Variants in YPEL2 observed in about 807,000 individuals in gnomAD.
YPEL2 encodes the protein yippee like 2.
A neutral mutation model predicts 19.1 loss-of-function variants in YPEL2; 2 were observed. That is an observed-to-expected ratio of 0.10 (90% CI 0.04 to 0.33). YPEL2 has a LOEUF of 0.33. Among genes scored for constraint, YPEL2 ranks in the 10% least tolerant of loss-of-function variants. The pLI is 1.00. For synonymous variants in YPEL2, 52 were observed against 50.0 expected (o/e 1.04, Z -0.17); for missense variants, 66 against 140.7 (o/e 0.47, Z 2.68).
intron 4 of YPEL2, among the ~76,000 whole-genome samples, chr17:59,396,611 G>C (rs2048040566): frequency 6.6e-6 from 1 of 152,196 alleles, no homozygotes; most frequent in African/African-American, 2.4e-5. Context: ...CAGTTCTGCA[G>C]CTAAGCGAGG....
intron 2 of YPEL2, among the ~76,000 whole-genome samples, chr17:59,384,675 T>C (rs2047971582): frequency 6.6e-6 from 1 of 152,158 alleles, no homozygotes; most frequent in Non-Finnish European, 1.5e-5. Flanking sequence ...ATGTATAAAA[T>C]GAGCTAGTAT....
intron 1 of YPEL2, among the ~76,000 whole-genome samples, chr17:59,346,472 G>A (rs776228088): frequency 6.6e-6 from 1 of 152,118 alleles, no homozygotes; most frequent in Non-Finnish European, 1.5e-5. Context: ...GAGAGAATTG[G>A]GTTAGATGGA....
intron 1 of YPEL2, among the ~76,000 whole-genome samples, chr17:59,343,492 G>A (rs576103047): frequency 2.1e-4 from 32 of 152,260 alleles, no homozygotes; most frequent in Non-Finnish European, 4.4e-4. Flanking sequence ...TGTGTGCTGG[G>A]AGAAGGGACC....
At chr17:59,339,932 C>T (rs765824043) in intron 1 of YPEL2, among the ~76,000 whole-genome samples, 3 of 152,048 alleles carry the variant, frequency 2.0e-5, no homozygotes, top group Non-Finnish European at 4.4e-5. Flanking sequence ...AAACTGCCCC[C>T]ACTTCCTACC....
chr17:59,371,772 A>T (rs2047898655), intron 2 of YPEL2, among the ~76,000 whole-genome samples: 1 of 152,244 alleles, frequency 6.6e-6, no homozygotes, highest in African/African-American at 2.4e-5. Context: ...TTCTTTAGCC[A>T]GTCAATATCT....
chr17:59,392,291 G>A (rs1184676436), intron 4 of YPEL2, among the ~76,000 whole-genome samples: 1 of 152,046 alleles, frequency 6.6e-6, no homozygotes, highest in Non-Finnish European at 1.5e-5. Context: ...TTTTGACAAA[G>A]GTTTATCAAA....
chr17:59,344,453 C>T (rs1489032553), intron 1 of YPEL2, among the ~76,000 whole-genome samples: 3 of 152,098 alleles, frequency 2.0e-5, no homozygotes, highest in Non-Finnish European at 1.5e-5. Context: ...GCACCAAGTC[C>T]AAATAGTGTT....
chr17:59,333,042 C>CAGTAA (rs1195153484), intron 1 of YPEL2, among the ~76,000 whole-genome samples: 2 of 152,238 alleles, frequency 1.3e-5, no homozygotes, highest in Non-Finnish European at 2.9e-5. Flanking sequence ...GCAAGAAGTT[C>CAGTAA]AGTAAACCGC....
intron 1 of YPEL2, among the ~76,000 whole-genome samples, chr17:59,334,390 T>G (rs1337145886): frequency 3.7e-5 from 5 of 135,858 alleles, no homozygotes; most frequent in East Asian, 2.3e-4. Context: ...TCTTTTTATT[T>G]GGGGGGGGGT....
Position 59,353,691 on chromosome 17 carries a change from G to C in YPEL2, c.117+165G>C. On this transcript the variant is annotated intron_variant, in intron 2 of 4. Transcript: ENST00000312655. This position sits in a 1 kb window ranked among gnomAD's most constrained non-coding sequence, Gnocchi z 4.8. ...CTCAACTGAGAAAAACTCTGAGTTG[G>C]AGGGACAGAGTAGTCATTTAATTTG... 4.4e-6 allele frequency: 3 copies of C among 685,778 alleles called. No homozygotes were observed. Among genetic ancestry groups the C allele is most frequent in the Non-Finnish European group, 2.7e-6 (1 of 373,716 alleles). 42.5% of individuals were successfully genotyped at this position (685,778 alleles called of 1,614,324 possible). A position where few individuals can be genotyped will look rare whatever the true frequency, so the allele number is the denominator to read the frequency against.
Position 59,394,642 on chromosome 17 carries a change from C to T in YPEL2, c.271-2459C>T, listed in dbSNP as rs528792482. The stretch of plus-strand genomic sequence containing the variant: ...GCAGAGGGGCTCCTCACATCCCAGA[C>T]GATGGGCGGCCAGGCAGAGAGGCTC... On this transcript the variant is annotated intron_variant, in intron 4 of 4. Transcript: ENST00000312655. Among the ~76,000 whole-genome samples the T allele has an allele frequency of 8.0e-5, 12 of 150,042 alleles. No individual in the cohort carries two copies. In the East Asian group the frequency reaches 1.2e-3, roughly 15 times the overall value.
intron 1 of YPEL2, among the ~76,000 whole-genome samples, chr17:59,342,728 CTCG>C (rs1301380332): frequency 6.6e-6 from 1 of 152,222 alleles, no homozygotes; most frequent in African/African-American, 2.4e-5. Flanking sequence ...ATTTGGCTCT[CTCG>C]TCTGCATAGT....
intron 2 of YPEL2, among the ~76,000 whole-genome samples, chr17:59,359,564 T>A (rs2047829904): frequency 6.6e-6 from 1 of 152,216 alleles, no homozygotes. Flanking sequence ...TGAAGATAAT[T>A]ATTCTATGAA....
chr17:59,388,133 G>C (rs938729853), intron 2 of YPEL2, among the ~76,000 whole-genome samples, 194 bp from the exon 3 acceptor site: 2 of 152,116 alleles, frequency 1.3e-5, no homozygotes, highest in African/African-American at 4.8e-5. Context: ...GGGCCAGATC[G>C]AGCTTTGTGG....
chr17:59,343,308 T>C (rs1255683445), intron 1 of YPEL2, among the ~76,000 whole-genome samples: 1 of 152,130 alleles, frequency 6.6e-6, no homozygotes, highest in East Asian at 1.9e-4. Flanking sequence ...TCAGTTAACA[T>C]TTATCAAGGA....
chr17:59,380,336 G>T (rs1018967843), intron 2 of YPEL2, among the ~76,000 whole-genome samples: 6 of 143,206 alleles, frequency 4.2e-5, no homozygotes, highest in African/African-American at 1.3e-4. Context: ...GAGTGCAGTG[G>T]TGCTGTCTCG....
intron 2 of YPEL2, among the ~76,000 whole-genome samples, chr17:59,370,088 G>C (rs147079130): frequency 0.02 from 3,002 of 152,184 alleles, 104 homozygotes; most frequent in African/African-American, 0.068. Context: ...ACGGAGTCTC[G>C]CTCTGTCGCC....
intron 2 of YPEL2, among the ~76,000 whole-genome samples, chr17:59,380,075 G>C (rs2047941199): frequency 1.3e-5 from 2 of 150,984 alleles, no homozygotes; most frequent in East Asian, 2.0e-4. Context: ...TGGCCAGGCT[G>C]GTCTCGAACT....
At chr17:59,348,183 T>C (rs557461187) in intron 1 of YPEL2, among the ~76,000 whole-genome samples, 41 of 152,328 alleles carry the variant, frequency 2.7e-4, no homozygotes, top group Non-Finnish European at 5.0e-4. Flanking sequence ...AGCCCACTTC[T>C]TTTCCAGTCT....
Sources: gnomAD v4.1 joint callset for allele counts (sites outside exome capture counted in the v4.1 genomes callset) on GRCh38, gnomAD v4.1.1 for gene constraint, Gnocchi (gnomAD v3.1) non-coding constraint, MANE v1.5 for transcripts, NCBI Gene and HGNC (gene_info 2026-07-23, HGNC 2026-07-21) for gene names.